LRR1: variants seen among roughly 807,000 people sequenced by gnomAD.
The protein encoded by LRR1 is leucine-rich repeat protein 1.
LRR1 carries 29 observed loss-of-function variants against 31.6 expected under a neutral mutation model. The observed-to-expected ratio is 0.92, with a 90% CI of 0.68 to 1.25. The LOEUF (loss-of-function observed/expected upper bound fraction) is 1.25. Ranked by LOEUF, LRR1 falls within the 50% of genes most tolerant of loss-of-function variation. The pLI, the probability that LRR1 is intolerant of heterozygous loss-of-function variation, is 0.00. For synonymous variants in LRR1, 179 were observed against 181.4 expected (o/e 0.99, Z 0.10); for missense variants, 485 against 487.2 (o/e 1.00, Z 0.04).
chr14:49,608,156 T>G lies in LRR1; in HGVS notation c.1004+35T>G, dbSNP rs568763341. 175 of 1,505,924 alleles carry G rather than the reference T, an allele frequency of 1.2e-4. 1 individual carries two copies. The South Asian group carries it at 2.2e-3, about 19-fold the overall frequency. 93.3% of individuals were successfully genotyped at this position (1,505,924 alleles called of 1,614,324 possible). Reference sequence around the variant, plus strand: ...TAATAGTCATGTAATGTGGTGTCTTTGATAGCATTCTAATATTCCTATCAA... The same window carrying G: ...TAATAGTCATGTAATGTGGTGTCTTGGATAGCATTCTAATATTCCTATCAA... On this transcript the variant is annotated intron_variant, in intron 3 of 3. Coordinates refer to ENST00000298288, the MANE Select transcript of LRR1 (RefSeq NM_152329.4).
chr14:49,603,469 T>A (rs1396204323), intron 2 of LRR1: 1 of 340,352 alleles, frequency 2.9e-6, no homozygotes, highest in Non-Finnish European at 4.3e-6. Flanking sequence ...GAGGAAAAAA[T>A]TCAATTAGAA....
chr14:49,611,345 C>T (rs988597709), intron 3 of LRR1, among the ~76,000 whole-genome samples: 2 of 151,922 alleles, frequency 1.3e-5, no homozygotes, highest in South Asian at 2.1e-4. Context: ...CATGGTGGTG[C>T]GCACCTGTAA....
At chr14:49,604,989 A>G (rs1412883813) in intron 2 of LRR1, among the ~76,000 whole-genome samples, 1 of 151,744 alleles carries the variant, frequency 6.6e-6, no homozygotes, top group Non-Finnish European at 1.5e-5. Flanking sequence ...TCGACCTTCC[A>G]GGCTCAGGTG....
intron 3 of LRR1, among the ~76,000 whole-genome samples, chr14:49,613,541 T>C (rs1246397186): frequency 6.7e-6 from 1 of 149,762 alleles, no homozygotes; most frequent in Non-Finnish European, 1.5e-5. Flanking sequence ...GTGCGGTGGC[T>C]CACACCTTTA....
chr14:49,603,536 T>C (rs1299401446), intron 2 of LRR1: 26 of 271,502 alleles, frequency 9.6e-5, no homozygotes, highest in South Asian at 3.5e-4. Context: ...TTTTTTTTTT[T>C]TTTTTTTTTT....
chr14:49,608,272 A>T, intron 3 of LRR1, 151 bp downstream of exon 3: 1 of 838,854 alleles, frequency 1.2e-6, no homozygotes, highest in Non-Finnish European at 1.7e-6. Context: ...ACCTCTGCTT[A>T]GAATGATTTT....
chr14:49,599,903 G>T, intron 1 of LRR1: 1 of 902,576 alleles, frequency 1.1e-6, no homozygotes, highest in Non-Finnish European at 1.5e-6. Context: ...CGGCGACGGC[G>T]GCGGACCCTC....
intron 3 of LRR1, 123 bp downstream of exon 3, chr14:49,608,244 A>C: frequency 9.6e-7 from 1 of 1,045,826 alleles, no homozygotes; most frequent in South Asian, 2.2e-5. Context: ...CTTTGCTATA[A>C]TGGTCTTCTT....
chr14:49,607,559 C>G lies in LRR1; in HGVS notation c.442C>G (p.Leu148Val). 6.2e-6 allele frequency: 10 copies of G among 1,614,118 alleles called. No homozygotes were observed. Among genetic ancestry groups the G allele is most frequent in the Non-Finnish European group, 8.5e-6 (10 of 1,179,998 alleles). ...TATCACATCCAAAAAAGACTATCCTCTAAGTAAGAATTTTCCATATTCCTT... is the reference window on the plus strand; with the variant it reads ...TATCACATCCAAAAAAGACTATCCTGTAAGTAAGAATTTTCCATATTCCTT... ...MVITSKKDYPLSKNFPYSLEH... is the reference protein window; with the variant it reads ...MVITSKKDYPVSKNFPYSLEH... Residue 148 changes from leucine to valine, a missense_variant, in exon 3 of 4, where the codon CTA becomes GTA. Around this residue, in one of 3 missense-constraint regions of LRR1, gnomAD observed 260 missense variants for 249.6 expected, o/e 1.04. Coordinates refer to ENST00000298288, the MANE Select transcript of LRR1 (RefSeq NM_152329.4).
chr14:49,601,118 A>T (rs1185384089), intron 1 of LRR1: 2 of 1,611,048 alleles, frequency 1.2e-6, no homozygotes, highest in Admixed American at 3.3e-5. Flanking sequence ...GAGATGGGCC[A>T]TACCTGAGGA....
intron 2 of LRR1, among the ~76,000 whole-genome samples, chr14:49,606,361 C>T (rs1167363304): frequency 6.9e-6 from 1 of 145,320 alleles, no homozygotes; most frequent in African/African-American, 2.6e-5. Context: ...GTTTTGAGAC[C>T]GAGTTTCACT....
chr14:49,607,560 T>A lies in LRR1; in HGVS notation c.443T>A (p.Leu148Gln). The A allele has an allele frequency of 1.2e-6, 2 of 1,614,160 alleles. 1 individual carries two copies. Among genetic ancestry groups the A allele is most frequent in the South Asian group, 2.2e-5 (2 of 91,082 alleles). Reference sequence around the variant, plus strand: ...ATCACATCCAAAAAAGACTATCCTCTAAGTAAGAATTTTCCATATTCCTTG... The same window carrying A: ...ATCACATCCAAAAAAGACTATCCTCAAAGTAAGAATTTTCCATATTCCTTG... Reference protein sequence around the residue: ...MVITSKKDYPLSKNFPYSLEH... With the variant: ...MVITSKKDYPQSKNFPYSLEH... The change falls in exon 3 of 4, where the codon CTA (leucine) becomes CAA (glutamine). Residue 148 changes from leucine (L) to glutamine (Q), a missense_variant. Physicochemically the swap from Leu to Gln is moderately radical, Grantham distance 113 (BLOSUM62 -2). This residue lies in a region of LRR1 where 260 missense variants were observed against 249.6 expected (regional missense o/e 1.04). Transcript: ENST00000298288.
intron 1 of LRR1, chr14:49,600,450 A>G: frequency 6.3e-7 from 1 of 1,596,220 alleles, no homozygotes; most frequent in Non-Finnish European, 8.6e-7. Context: ...GAAACTAGCA[A>G]AAGAGATAGG....
At chr14:49,605,787 T>C (rs1882256952) in intron 2 of LRR1, among the ~76,000 whole-genome samples, 1 of 152,210 alleles carries the variant, frequency 6.6e-6, no homozygotes, top group African/African-American at 2.4e-5. Flanking sequence ...ATCCCAAGTC[T>C]GTGAACCAGT....
Position 49,604,063 on chromosome 14 carries a change from A to G in LRR1, c.282+1595A>G, listed in dbSNP as rs549476187. ...CACACCTGTAATCCCAGCACTTTGG[A>G]AGGCCAAGACTGGTGGATCACTTGC... is the stretch of plus-strand genomic sequence containing the variant. On this transcript the variant is annotated intron_variant, in intron 2 of 3. Transcript: ENST00000298288. Among the ~76,000 whole-genome samples, 5 of 148,716 alleles carry G rather than the reference A, an allele frequency of 3.4e-5. No individual in the cohort carries two copies. In the East Asian group the frequency reaches 1.1e-3, roughly 33 times the overall value.
chr14:49,599,986 G>A, intron 1 of LRR1: 2 of 1,597,406 alleles, frequency 1.3e-6, no homozygotes, highest in Non-Finnish European at 1.7e-6. Context: ...CCGGCCGGCA[G>A]CAGCATCATG....
chr14:49,603,511 T>TTTCTTC (rs200898470), intron 2 of LRR1: 20 of 143,156 alleles, frequency 1.4e-4, no homozygotes, highest in African/African-American at 5.1e-4. Flanking sequence ...GTAATCATTC[T>TTTCTTC]TTCTTCTTCT....
In LRR1 at chr14:49,599,191, G is replaced by A; in HGVS notation, c.171G>A (p.Gly57=). The change falls in exon 1 of 4, where the codon GGG becomes GGA. Residue 57 remains glycine (G), a synonymous_variant. Coordinates refer to ENST00000298288, the MANE Select transcript of LRR1 (RefSeq NM_152329.4). Reference sequence around the variant, plus strand: ...TCTCCACCCTGAAGGACAAGCGCGGGACCCGCTATGAGGTGCGTGAAGTGG... The same window carrying A: ...TCTCCACCCTGAAGGACAAGCGCGGAACCCGCTATGAGGTGCGTGAAGTGG... The part of the protein sequence containing the change: ...LLISTLKDKR[G]TRYELRENIE... 1 of 1,606,358 alleles carries A rather than the reference G, an allele frequency of 6.2e-7. No homozygotes were observed. The highest frequency in any genetic ancestry group is 8.5e-7 in the Non-Finnish European group (1 of 1,176,906).
rs545536791 is a variant in LRR1 at position 49,599,096 on chromosome 14, G to A, written c.76G>A (p.Val26Ile). 1 of 1,607,192 alleles carries A rather than the reference G, an allele frequency of 6.2e-7. No individual in the cohort carries two copies. Among genetic ancestry groups the A allele is most frequent in the African/African-American group, 1.3e-5 (1 of 74,918 alleles). The change falls in exon 1 of 4, where the codon GTC becomes ATC. Residue 26 changes from valine to isoleucine, a missense_variant. By Grantham distance (29) the Val-to-Ile change is conservative (BLOSUM62 3). Coordinates refer to ENST00000298288, the MANE Select transcript of LRR1 (RefSeq NM_152329.4). ...ALGLRNRGKGVRAVLSLCQQT... is the reference protein window; with the variant it reads ...ALGLRNRGKGIRAVLSLCQQT... ...GGGGCTTAGGAACCGGGGCAAGGGC[G>A]TCCGAGCCGTGTTGAGCCTCTGTCA...
Sources: gnomAD v4.1 joint callset for allele counts (sites outside exome capture counted in the v4.1 genomes callset) on GRCh38, gnomAD v4.1.1 for gene constraint, gnomAD v4.1.1 regional missense constraint, MANE v1.5 for transcripts, NCBI Gene and HGNC (gene_info 2026-07-23, HGNC 2026-07-21) for gene names.